EGFR: variants seen among roughly 807,000 people sequenced by gnomAD.
The protein encoded by EGFR is epidermal growth factor receptor.
Under a neutral mutation model 143.0 loss-of-function variants are expected in EGFR, and 58 were observed. That is an observed-to-expected ratio of 0.41 (90% CI 0.33 to 0.50). The LOEUF (loss-of-function observed/expected upper bound fraction) is 0.50, where lower values mean the gene tolerates loss of function less well. Among genes scored for constraint, EGFR ranks in the 20% least tolerant of loss-of-function variants. The pLI is 0.39. For synonymous variants in EGFR, 613 were observed against 594.4 expected (o/e 1.03, Z -0.45); for missense variants, 1,307 against 1,579.0 (o/e 0.83, Z 2.92).
At chr7:55,174,178 CCA>C in intron 18 of EGFR, 135 bp downstream of exon 18, 1 of 1,310,292 alleles carries the variant, frequency 7.6e-7, no homozygotes, top group Non-Finnish European at 1.0e-6. Context: ...TTGGGAAACT[CCA>C]GTGTTTTTCC....
At chr7:55,143,952 T>C (rs922337049) in intron 3 of EGFR, among the ~76,000 whole-genome samples, 12 of 152,044 alleles carry the variant, frequency 7.9e-5, no homozygotes, top group African/African-American at 2.9e-4. Flanking sequence ...GGATAGAGAA[T>C]GAGGTGTTCT....
At chr7:55,035,862 C>T (rs148320393) in intron 1 of EGFR, among the ~76,000 whole-genome samples, 1 of 152,080 alleles carries the variant, frequency 6.6e-6, no homozygotes, top group Admixed American at 6.6e-5. Context: ...AGGTCCTATC[C>T]CCCTTCCCCC....
At chr7:55,019,460 C>A in intron 1 of EGFR, 95 bp downstream of exon 1, 1 of 663,458 alleles carries the variant, frequency 1.5e-6, no homozygotes, top group Non-Finnish European at 2.0e-6. Flanking sequence ...CGGCTCGGCG[C>A]CCGCGCCCCC....
At chr7:55,203,203 TAC>T (rs1270583413) in intron 27 of EGFR, 6 of 212,212 alleles carry the variant, frequency 2.8e-5, no homozygotes, top group South Asian at 2.0e-4. Flanking sequence ...CACACACATA[TAC>T]ACACACACCT....
intron 27 of EGFR, among the ~76,000 whole-genome samples, chr7:55,204,934 A>G (rs1051197073): frequency 2.0e-5 from 3 of 151,586 alleles, no homozygotes; most frequent in African/African-American, 7.3e-5. Context: ...ACATATACAC[A>G]CACCAGACAC....
intron 26 of EGFR, among the ~76,000 whole-genome samples, chr7:55,202,241 G>A (rs1787881573): frequency 6.6e-6 from 1 of 152,224 alleles, no homozygotes; most frequent in African/African-American, 2.4e-5. Flanking sequence ...GTGTCCAGTA[G>A]CCACACGTGG....
In EGFR at chr7:55,171,081, C is replaced by T. The variant is rs1029769622; in HGVS notation, c.1881-94C>T. 5 of 1,575,446 alleles carry T rather than the reference C, an allele frequency of 3.2e-6. No individual in the cohort carries two copies. In the Admixed American group the frequency reaches 8.9e-5, roughly 28 times the overall value. ...TTTTAATTATTTAAGAGTAGTTTAG[C>T]ATATATTGCTTTATGATTTAATTAA... On this transcript the variant is annotated intron_variant, in intron 15 of 27. Coordinates refer to ENST00000275493, the MANE Select transcript of EGFR (RefSeq NM_005228.5).
rs1327684889 is a variant in EGFR, at chr7:55,207,371, T to A, written c.*1754T>A. ...CTCAAATACCCCTAAGCATCTATAC[T>A]AGCCTGGTATGGGTATGAAAGATAC... On this transcript the variant is annotated 3_prime_UTR_variant, in exon 28 of 28. Coordinates refer to ENST00000275493, the MANE Select transcript of EGFR (RefSeq NM_005228.5). 2.2e-5 allele frequency: 5 copies of A among 223,364 alleles called. No individual in the cohort carries two copies. The East Asian group carries it at 2.6e-4, about 12-fold the overall frequency. The allele number at this position is 223,364 out of a possible 1,614,324, so 13.8% of individuals were successfully genotyped here. A position where few individuals can be genotyped will look rare whatever the true frequency, so the allele number is the denominator to read the frequency against.
Position 55,089,319 on chromosome 7 carries a change from G to A in EGFR, c.89-52967G>A, listed in dbSNP as rs562175326. 1.6e-4 allele frequency among the ~76,000 whole-genome samples: 24 copies of A among 152,298 alleles called. No individual in the cohort carries two copies. In the South Asian group the frequency reaches 3.9e-3, roughly 25 times the overall value. ...CCCGTACACTGGGCACTGTTCATACGTACTTCTCTGTGCACGCAAAGGAGG... is the reference window on the plus strand; with the variant it reads ...CCCGTACACTGGGCACTGTTCATACATACTTCTCTGTGCACGCAAAGGAGG... On this transcript the variant is annotated intron_variant, in intron 1 of 27. Transcript: ENST00000275493.
intron 1 of EGFR, among the ~76,000 whole-genome samples, chr7:55,089,811 C>T (rs1163000099): frequency 1.7e-4 from 26 of 152,152 alleles, no homozygotes; most frequent in Non-Finnish European, 1.5e-5. Flanking sequence ...TTGGAGACCA[C>T]CACACGGGAT....
At chr7:55,183,723 A>G (rs1305741399) in intron 20 of EGFR, among the ~76,000 whole-genome samples, 3 of 152,204 alleles carry the variant, frequency 2.0e-5, no homozygotes, top group African/African-American at 7.2e-5. Flanking sequence ...TTCTTAGCAC[A>G]TATTGCCCCA....
chr7:55,165,492 C>A, intron 15 of EGFR, 55 bp downstream of exon 15: 1 of 1,564,042 alleles, frequency 6.4e-7, no homozygotes, highest in Admixed American at 1.9e-5. Context: ...ATTCAGAGAT[C>A]AAAAATGTCT....
intron 1 of EGFR, among the ~76,000 whole-genome samples, chr7:55,128,318 A>C (rs1793647441): frequency 6.6e-6 from 1 of 152,240 alleles, no homozygotes; most frequent in Admixed American, 6.5e-5. Context: ...GAGTTAAAGA[A>C]ATCCACTGAA....
intron 19 of EGFR, among the ~76,000 whole-genome samples, chr7:55,179,119 T>A (rs1447035482): frequency 1.3e-5 from 2 of 152,258 alleles, no homozygotes; most frequent in African/African-American, 4.8e-5. Context: ...AGCTAGACCC[T>A]AAGCGTGTGC....
intron 22 of EGFR, among the ~76,000 whole-genome samples, chr7:55,195,540 T>G (rs1787579388): frequency 6.6e-6 from 1 of 152,232 alleles, no homozygotes; most frequent in South Asian, 2.1e-4. Context: ...TATTTTAGGT[T>G]CAGGGGTACA....
chr7:55,073,400 A>C (rs1252009549), intron 1 of EGFR, among the ~76,000 whole-genome samples: 1 of 152,204 alleles, frequency 6.6e-6, no homozygotes, highest in Non-Finnish European at 1.5e-5. Context: ...TTCAGGCAGT[A>C]TGTGGGTGAG....
intron 3 of EGFR, among the ~76,000 whole-genome samples, chr7:55,146,119 G>A (rs1794746423): frequency 6.6e-6 from 1 of 151,966 alleles, no homozygotes; most frequent in African/African-American, 2.4e-5. Context: ...CTTGTTTCGT[G>A]TCACTCTCAT....
Position 55,156,514 on chromosome 7 carries a change from G to C in EGFR, c.1007-19G>C, listed in dbSNP as rs769843542. 14 of 1,614,070 alleles carry C rather than the reference G, an allele frequency of 8.7e-6. No homozygotes were observed. Among genetic ancestry groups the C allele is most frequent in the Admixed American group, 5.0e-5 (3 of 60,028 alleles). On this transcript the variant is annotated intron_variant, in intron 8 of 27. Transcript: ENST00000275493. ...TCCAACAAATGTGAACGGAATACACGTCTCTCTTATCTCTGCAGTGTGTAA... is the reference window on the plus strand; with the variant it reads ...TCCAACAAATGTGAACGGAATACACCTCTCTCTTATCTCTGCAGTGTGTAA...
At chr7:55,102,711 C>T (rs1389413157) in intron 1 of EGFR, among the ~76,000 whole-genome samples, 1 of 152,148 alleles carries the variant, frequency 6.6e-6, no homozygotes, top group African/African-American at 2.4e-5. Flanking sequence ...TTATATACCA[C>T]ATGTATAATG....
Sources: allele counts gnomAD v4.1 joint callset (sites outside exome capture counted in the v4.1 genomes callset), GRCh38; gene constraint gnomAD v4.1.1; transcripts MANE v1.5; gene names NCBI Gene and HGNC (gene_info 2026-07-23, HGNC 2026-07-21).